C19orf47: variants seen among roughly 807,000 people sequenced by gnomAD.
C19orf47 encodes the protein uncharacterized protein C19orf47.
C19orf47 carries 18 observed loss-of-function variants against 32.3 expected under a neutral mutation model. The ratio of observed to expected loss-of-function variants is 0.56; its 90% CI spans 0.39 to 0.83. The LOEUF (loss-of-function observed/expected upper bound fraction) is 0.83. Among genes scored for constraint, C19orf47 ranks in the 40% least tolerant of loss-of-function variants. C19orf47 has a pLI of 0.00. For synonymous variants in C19orf47, 202 were observed against 211.1 expected (o/e 0.96, Z 0.37); for missense variants, 484 against 531.6 (o/e 0.91, Z 0.88).
the C19orf47 span, among the ~76,000 whole-genome samples, chr19:40,305,474 A>G: frequency 6.6e-6 from 1 of 152,214 alleles, no homozygotes; most frequent in Non-Finnish European, 1.5e-5. Flanking sequence ...ACAGCTGCCC[A>G]GTGGATTTAT....
chr19:40,330,949 T>C (rs2077940214), intron 5 of C19orf47, among the ~76,000 whole-genome samples: 1 of 152,200 alleles, frequency 6.6e-6, no homozygotes, highest in South Asian at 2.1e-4. Context: ...TCTGGCAGGC[T>C]GGTCATGTTT....
chr19:40,302,611 T>C, the C19orf47 span, among the ~76,000 whole-genome samples: 2 of 152,150 alleles, frequency 1.3e-5, no homozygotes, highest in South Asian at 2.1e-4. Flanking sequence ...CTCATTGTGA[T>C]TGTGTCTGGC....
downstream of C19orf47, among the ~76,000 whole-genome samples, chr19:40,317,759 G>A (rs913864862): frequency 4.1e-5 from 6 of 145,342 alleles, no homozygotes; most frequent in East Asian, 2.0e-4. Flanking sequence ...TCACTCTGTC[G>A]CCCAGGCTGG....
At chr19:40,338,008 G>A (rs539135779) in intron 2 of C19orf47, among the ~76,000 whole-genome samples, 2 of 152,206 alleles carry the variant, frequency 1.3e-5, no homozygotes, top group Non-Finnish European at 2.9e-5. Context: ...GTCTAGAACA[G>A]GCAAATCTAA....
At chr19:40,300,557 T>C in the C19orf47 span, among the ~76,000 whole-genome samples, 3 of 152,232 alleles carry the variant, frequency 2.0e-5, no homozygotes, top group Non-Finnish European at 4.4e-5. Context: ...TAAGTCATAA[T>C]TTTGTTACTA....
At chr19:40,347,019 A>T (rs1342302085) in intron 1 of C19orf47, among the ~76,000 whole-genome samples, 1 of 152,156 alleles carries the variant, frequency 6.6e-6, no homozygotes, top group African/African-American at 2.4e-5. Flanking sequence ...AGCTGGGAAC[A>T]AGTATAAGGA....
In C19orf47 at chr19:40,330,497, C is replaced by T. The variant is rs556368514; in HGVS notation, c.302-1947G>A. 4.7e-5 allele frequency among the ~76,000 whole-genome samples: 7 copies of T among 149,554 alleles called. No individual in the cohort carries two copies. In the South Asian group the frequency reaches 1.5e-3, roughly 32 times the overall value. ...TCATGATCTGCCCACCTTGGCCTCC[C>T]AAAATGCTGGGATTACAGGCGTGAG... On this transcript the variant is annotated intron_variant, in intron 5 of 8. Coordinates refer to ENST00000683109, the MANE Select transcript of C19orf47 (RefSeq NM_001256441.2).
chr19:40,317,728 G>GTT (rs760108426), downstream of C19orf47, among the ~76,000 whole-genome samples: 1 of 143,042 alleles, frequency 7.0e-6, no homozygotes, highest in African/African-American at 2.6e-5. Context: ...TTTTTTTTTT[G>GTT]TTTTTTTTTT....
chr19:40,315,225 G>A (rs1055540549), downstream of C19orf47, among the ~76,000 whole-genome samples: 3 of 152,128 alleles, frequency 2.0e-5, no homozygotes, highest in African/African-American at 4.8e-5. Context: ...CTAATGGATC[G>A]ATATTATTTC....
chr19:40,323,369 T>C (rs774471678), intron 8 of C19orf47, among the ~76,000 whole-genome samples: 7 of 152,242 alleles, frequency 4.6e-5, no homozygotes, highest in Non-Finnish European at 1.0e-4. Context: ...AGGACTTAAG[T>C]GACATGGCCA....
chr19:40,342,184 A>C, intron 1 of C19orf47: 1 of 569,442 alleles, frequency 1.8e-6, no homozygotes, highest in African/African-American at 1.9e-5. Flanking sequence ...CTTCTGGCCA[A>C]GACTTTAACA....
At chr19:40,333,993 A>T in intron 4 of C19orf47, 64 bp from the exon 5 acceptor site, 1 of 1,263,004 alleles carries the variant, frequency 7.9e-7, no homozygotes, top group East Asian at 2.6e-5. Context: ...TAGAGATCTA[A>T]GCAACACCAC....
chr19:40,348,504 G>C, upstream of C19orf47: 1 of 1,492,854 alleles, frequency 6.7e-7, no homozygotes. Context: ...CGAGAGTGCG[G>C]CCATAACCAT....
chr19:40,336,388 C>T lies in C19orf47; in HGVS notation c.39G>A (p.Gln13=), dbSNP rs779819964. The T allele has an allele frequency of 9.3e-6, 15 of 1,613,856 alleles. No individual in the cohort carries two copies. Among genetic ancestry groups the T allele is most frequent in the South Asian group, 4.4e-5 (4 of 91,046 alleles). ...SVTMATSEWI[Q]FFKEAGIPPG... ...GAGGAATGCCGGCTTCCTTAAAGAA[C>T]TGGATCCACTCGGAAGTGGCTGTGG... The change falls in exon 3 of 9, where the codon CAG becomes CAA. Residue 13 remains glutamine (Q), a synonymous_variant. Transcript: ENST00000683109.
the C19orf47 span, among the ~76,000 whole-genome samples, chr19:40,307,414 T>C: frequency 6.6e-6 from 1 of 152,080 alleles, no homozygotes; most frequent in African/African-American, 2.4e-5. Flanking sequence ...TGTTTGTTGT[T>C]TGGAGACAGG....
At chr19:40,336,839 T>C (rs966600570) in intron 2 of C19orf47, among the ~76,000 whole-genome samples, 3 of 151,978 alleles carry the variant, frequency 2.0e-5, no homozygotes, top group Non-Finnish European at 2.9e-5. Context: ...CAGAGGATGA[T>C]AGGATCCTCA....
At chr19:40,303,412 A>G in the C19orf47 span, among the ~76,000 whole-genome samples, 2 of 151,046 alleles carry the variant, frequency 1.3e-5, no homozygotes, top group Non-Finnish European at 2.9e-5. Context: ...AGTCCCAGCT[A>G]CTTGGGAGGC....
At chr19:40,309,483 C>T in the C19orf47 span, among the ~76,000 whole-genome samples, 1 of 152,066 alleles carries the variant, frequency 6.6e-6, no homozygotes, top group Non-Finnish European at 1.5e-5. Context: ...GCCACCGTGC[C>T]TCGCCTATTT....
At chr19:40,347,738 T>TC (rs901022120) in intron 1 of C19orf47, among the ~76,000 whole-genome samples, 1 of 152,130 alleles carries the variant, frequency 6.6e-6, no homozygotes, top group Non-Finnish European at 1.5e-5. Context: ...CTGAGCTTTC[T>TC]CCCCCAGCTT....
Sources: gnomAD v4.1 joint callset for allele counts (sites outside exome capture counted in the v4.1 genomes callset) on GRCh38, gnomAD v4.1.1 for gene constraint, MANE v1.5 for transcripts, NCBI Gene and HGNC (gene_info 2026-07-23, HGNC 2026-07-21) for gene names.